Variants in NTNG1 observed in about 807,000 individuals in gnomAD.
NTNG1 encodes the protein netrin G1.
A neutral mutation model predicts 54.0 loss-of-function variants in NTNG1; 16 were observed. The observed-to-expected ratio is 0.30, with a 90% CI of 0.20 to 0.45. NTNG1 has a LOEUF of 0.45. Ranked by LOEUF, NTNG1 falls within the 20% of genes least tolerant of loss-of-function variation. The pLI, the probability that NTNG1 is intolerant of heterozygous loss-of-function variation, is 1.00. For missense variants in NTNG1, 530 were observed against 678.7 expected (o/e 0.78, Z 2.43); for synonymous variants, 255 against 263.1 (o/e 0.97, Z 0.30).
chr1:107,364,254 A>G (rs1436749503), intron 3 of NTNG1, among the ~76,000 whole-genome samples: 2 of 152,160 alleles, frequency 1.3e-5, no homozygotes, highest in Admixed American at 1.3e-4. Flanking sequence ...ATTTGTATTT[A>G]CCATAATCAT....
intron 4 of NTNG1, 89 bp from the exon 5 acceptor site, chr1:107,407,593 C>A: frequency 1.9e-6 from 2 of 1,069,748 alleles, no homozygotes; most frequent in South Asian, 1.5e-5. Flanking sequence ...TATCAAGTGT[C>A]AAGTTTCTAA....
intron 2 of NTNG1, among the ~76,000 whole-genome samples, chr1:107,221,467 C>G (rs1432365992): frequency 1.3e-5 from 2 of 152,102 alleles, no homozygotes; most frequent in East Asian, 3.9e-4. Context: ...CAGGGTGGCT[C>G]TATGATAAAG....
chr1:107,248,411 G>C (rs1055838964), intron 2 of NTNG1, among the ~76,000 whole-genome samples: 3 of 152,188 alleles, frequency 2.0e-5, no homozygotes, highest in African/African-American at 4.8e-5. Context: ...CCAGTTTTTG[G>C]TTTAGGAAAG....
chr1:107,379,372 C>G (rs1671501704), intron 3 of NTNG1, among the ~76,000 whole-genome samples: 1 of 152,232 alleles, frequency 6.6e-6, no homozygotes. Context: ...GCTATATCCT[C>G]ACTCTCTGAG....
At chr1:107,334,319 G>A (rs1453897030) in intron 3 of NTNG1, among the ~76,000 whole-genome samples, 1 of 151,954 alleles carries the variant, frequency 6.6e-6, no homozygotes. Context: ...TCTAGGAATT[G>A]TGTTTTTGTC....
chr1:107,404,989 C>T (rs1192804120), intron 4 of NTNG1, among the ~76,000 whole-genome samples: 1 of 152,126 alleles, frequency 6.6e-6, no homozygotes, highest in Non-Finnish European at 1.5e-5. Flanking sequence ...GATGGAATTG[C>T]ATTCATTGAT....
intron 3 of NTNG1, among the ~76,000 whole-genome samples, chr1:107,375,554 A>G (rs572247991): frequency 6.6e-6 from 1 of 152,300 alleles, no homozygotes; most frequent in African/African-American, 2.4e-5. Context: ...TTGATCAGCT[A>G]TTTTTAAATG....
At chr1:107,470,502 A>G (rs1677912091) in intron 7 of NTNG1, among the ~76,000 whole-genome samples, 1 of 152,234 alleles carries the variant, frequency 6.6e-6, no homozygotes, top group Non-Finnish European at 1.5e-5. Context: ...TTACACAGGT[A>G]TGTGTAGAGT....
chr1:107,314,436 TAAA>T (rs1386933904), intron 2 of NTNG1, among the ~76,000 whole-genome samples: 2,001 of 41,622 alleles, frequency 0.048, 54 homozygotes, highest in African/African-American at 0.12. Flanking sequence ...AATAAATAAA[TAAA>T]TAAATAAAAA....
chr1:107,368,452 G>A (rs555422377), intron 3 of NTNG1, among the ~76,000 whole-genome samples: 1 of 152,164 alleles, frequency 6.6e-6, no homozygotes, highest in African/African-American at 2.4e-5. Context: ...CTGAGAAGGA[G>A]AGAAGTTGAC....
intron 5 of NTNG1, 114 bp from the exon 6 acceptor site, chr1:107,430,636 T>C (rs1255860326): frequency 2.9e-6 from 3 of 1,027,674 alleles, no homozygotes; most frequent in Admixed American, 3.4e-5. Flanking sequence ...GAATCACATA[T>C]ATGTAATGCC....
At position 107,319,394 on chromosome 1, in the gene NTNG1, T is replaced by G. The variant is rs76153037; in HGVS notation, c.247-4888T>G. 8.2e-3 allele frequency among the ~76,000 whole-genome samples: 1,243 copies of G among 152,234 alleles called. 21 individuals carry two copies. The highest frequency in any genetic ancestry group is 0.029 in the African/African-American group (1,199 of 41,548). On this transcript the variant is annotated intron_variant, in intron 2 of 7. Coordinates refer to ENST00000370068, the MANE Select transcript of NTNG1 (RefSeq NM_001113226.3). ...TCTAGACGATGCCCCAAACTTGCAG[T>G]TAAAGCATGGTTCTCATGGTTTCAA...
At chr1:107,375,224 C>G (rs1009242904) in intron 3 of NTNG1, among the ~76,000 whole-genome samples, 3 of 152,226 alleles carry the variant, frequency 2.0e-5, no homozygotes, top group Admixed American at 2.0e-4. Context: ...CCTCAGTCCC[C>G]TGAACTCACC....
intron 7 of NTNG1, chr1:107,460,482 A>G (rs1334295054): frequency 2.0e-6 from 1 of 507,984 alleles, no homozygotes; most frequent in Non-Finnish European, 3.9e-6. Flanking sequence ...TATTTAGGAA[A>G]TGAAATTATT....
intron 2 of NTNG1, among the ~76,000 whole-genome samples, chr1:107,220,775 G>A (rs1374890793): frequency 6.6e-6 from 1 of 152,106 alleles, no homozygotes; most frequent in Non-Finnish European, 1.5e-5. Context: ...GCATTTCCTA[G>A]TTATTTTAAT....
intron 6 of NTNG1, among the ~76,000 whole-genome samples, chr1:107,435,436 A>T (rs1675537254): frequency 6.6e-6 from 1 of 152,166 alleles, no homozygotes; most frequent in South Asian, 2.1e-4. Flanking sequence ...TCATCATATA[A>T]ATGTTTGTTT....
intron 3 of NTNG1, among the ~76,000 whole-genome samples, chr1:107,391,491 AT>A (rs1281154334): frequency 6.6e-6 from 1 of 152,164 alleles, no homozygotes; most frequent in Non-Finnish European, 1.5e-5. Flanking sequence ...GGAAGAGTGC[AT>A]TAGTCCATTT....
intron 3 of NTNG1, among the ~76,000 whole-genome samples, chr1:107,343,601 G>T (rs973993039): frequency 3.3e-5 from 5 of 151,782 alleles, no homozygotes; most frequent in African/African-American, 9.7e-5. Context: ...AGAAGAAAAG[G>T]CTGCAGGAGA....
At chr1:107,170,910 A>G (rs1336761820) in intron 2 of NTNG1, among the ~76,000 whole-genome samples, 1 of 152,156 alleles carries the variant, frequency 6.6e-6, no homozygotes, top group Non-Finnish European at 1.5e-5. Flanking sequence ...CTAGTAAAGA[A>G]TGCATTCTTC....
Sources: allele counts gnomAD v4.1 joint callset (sites outside exome capture counted in the v4.1 genomes callset), GRCh38; gene constraint gnomAD v4.1.1; transcripts MANE v1.5; gene names NCBI Gene and HGNC (gene_info 2026-07-23, HGNC 2026-07-21).